Variants in PKHD1L1 observed in about 807,000 individuals in gnomAD.
PKHD1L1 encodes fibrocystin-L.
A neutral mutation model predicts 462.9 loss-of-function variants in PKHD1L1; 434 were observed. The observed-to-expected ratio is 0.94, with a 90% confidence interval of 0.87 to 1.02. The LOEUF (loss-of-function observed/expected upper bound fraction) is 1.02, where lower values mean the gene tolerates loss of function less well. PKHD1L1 is among the 50% of genes least tolerant of loss of function. The pLI is 0.00. For synonymous variants in PKHD1L1, 1,781 were observed against 1,750.0 expected (o/e 1.02, Z -0.44); for missense variants, 5,202 against 5,096.1 (o/e 1.02, Z -0.63).
chr8:109,440,831 G>C lies in PKHD1L1; in HGVS notation c.4078G>C (p.Ala1360Pro), dbSNP rs750121135. The C allele has an allele frequency of 6.2e-7, 1 of 1,612,548 alleles. No homozygotes were observed. The highest frequency in any genetic ancestry group is 8.5e-7 in the Non-Finnish European group (1 of 1,179,094). Reference protein sequence around the residue: ...IRGFGFSTIPAENTVLLGSIP... With the variant: ...IRGFGFSTIPPENTVLLGSIP... ...GGGTTTTGGATTCAGCACAATACCAGCTGAGAATACCGTGCTGTTAGGTAA... is the reference window on the plus strand; with the variant it reads ...GGGTTTTGGATTCAGCACAATACCACCTGAGAATACCGTGCTGTTAGGTAA... Residue 1360 changes from alanine to proline, a missense_variant, in exon 33 of 78, where the codon GCT becomes CCT. Ala to Pro is a conservative substitution (Grantham distance 27). Coordinates refer to ENST00000378402, the MANE Select transcript of PKHD1L1 (RefSeq NM_177531.6).
chr8:109,468,708 G>A (rs143579121), intron 50 of PKHD1L1, among the ~76,000 whole-genome samples: 18 of 152,286 alleles, frequency 1.2e-4, no homozygotes, highest in African/African-American at 4.3e-4. Context: ...CATTCTGGCT[G>A]GTGGGCCATG....
chr8:109,412,355 G>A lies in PKHD1L1; in HGVS notation c.2176G>A (p.Ala726Thr), dbSNP rs1813901677. The change falls in exon 20 of 78, where the codon GCA becomes ACA. Residue 726 changes from alanine to threonine, a missense_variant. Physicochemically the swap from Ala to Thr is moderately conservative, Grantham distance 58. Around this residue, in one of 3 missense-constraint regions of PKHD1L1, gnomAD observed 4,497 missense variants for 4,336.8 expected, o/e 1.04. Coordinates refer to ENST00000378402, the MANE Select transcript of PKHD1L1 (RefSeq NM_177531.6). ...AAACCCAGCTGTTCTTTTTGACTCA[G>A]CAGATGTTAAACCAAACAGACGACC... ...LKNPAVLFDS[A>T]DVKPNRRPYG... 6 of 1,613,538 alleles carry A rather than the reference G, an allele frequency of 3.7e-6. No homozygotes were observed. The South Asian group carries it at 6.6e-5, about 18-fold the overall frequency.
chr8:109,421,031 T>C (rs1440080920), intron 23 of PKHD1L1, among the ~76,000 whole-genome samples: 1 of 152,088 alleles, frequency 6.6e-6, no homozygotes, highest in Non-Finnish European at 1.5e-5. Flanking sequence ...ATTATGCTTT[T>C]TAATTGTTTT....
chr8:109,377,833 A>C (rs1402735314), intron 2 of PKHD1L1, among the ~76,000 whole-genome samples: 1 of 152,166 alleles, frequency 6.6e-6, no homozygotes, highest in East Asian at 1.9e-4. Context: ...TCTTGGGTTT[A>C]TTCCAAAAGT....
At chr8:109,401,840 T>C (rs1813288848) in intron 14 of PKHD1L1, among the ~76,000 whole-genome samples, 1 of 152,162 alleles carries the variant, frequency 6.6e-6, no homozygotes, top group Non-Finnish European at 1.5e-5. Flanking sequence ...TGAAATGTAC[T>C]TGATCCTGTT....
chr8:109,442,356 G>A (rs1815844159), intron 35 of PKHD1L1, among the ~76,000 whole-genome samples, 161 bp downstream of exon 35: 2 of 152,136 alleles, frequency 1.3e-5, no homozygotes, highest in Admixed American at 6.5e-5. Context: ...TTACTAATGA[G>A]TGTAAGCAAG....
At chr8:109,526,367 G>C (rs1820814405) in intron 76 of PKHD1L1, among the ~76,000 whole-genome samples, 1 of 152,184 alleles carries the variant, frequency 6.6e-6, no homozygotes, top group South Asian at 2.1e-4. Flanking sequence ...AAAAAGTTCA[G>C]TATCCAACCC....
rs1211307200 is a variant in PKHD1L1, at chr8:109,429,396, G to C, written c.3057G>C (p.Lys1019Asn). ...EKANMTVTRI[K>N]EGGLFRQHVL... ...CTAATATGACAGTTACAAGGATAAA[G>C]GAAGGTGGCTTATTCAGACAACATG... is the stretch of plus-strand genomic sequence containing the variant. The change falls in exon 26 of 78, where the codon AAG (lysine) becomes AAC (asparagine). Residue 1019 changes from lysine to asparagine, a missense_variant. Physicochemically the swap from Lys to Asn is moderately conservative, Grantham distance 94. Around this residue, in one of 3 missense-constraint regions of PKHD1L1, gnomAD observed 4,497 missense variants for 4,336.8 expected, o/e 1.04. Transcript: ENST00000378402. 1 of 1,589,344 alleles carries C rather than the reference G, an allele frequency of 6.3e-7. No individual in the cohort carries two copies. The highest frequency in any genetic ancestry group is 8.6e-7 in the Non-Finnish European group (1 of 1,162,060).
rs1345935484 is a variant in PKHD1L1, at chr8:109,486,825, G to T, written c.9880+4G>T. 5.0e-6 allele frequency: 8 copies of T among 1,609,008 alleles called. No homozygotes were observed. In the South Asian group the frequency reaches 6.6e-5, roughly 13 times the overall value. Reference sequence around the variant, plus strand: ...GAAAATATGATGACATTTAAAGGTTGGTATCAATTCAGTTTATTTTTCTAA... The same window carrying T: ...GAAAATATGATGACATTTAAAGGTTTGTATCAATTCAGTTTATTTTTCTAA... On this transcript the variant is annotated splice_donor_region_variant and intron_variant, in intron 59 of 77. Coordinates refer to ENST00000378402, the MANE Select transcript of PKHD1L1 (RefSeq NM_177531.6).
chr8:109,529,927 C>A (rs1038572581), intron 77 of PKHD1L1, among the ~76,000 whole-genome samples, 153 bp from the exon 78 acceptor site: 7 of 151,902 alleles, frequency 4.6e-5, no homozygotes, highest in Non-Finnish European at 7.4e-5. Context: ...TACAAAAAAA[C>A]CATTACTGAT....
In PKHD1L1 at chr8:109,533,841, T is replaced by C. The variant is rs1416002737; in HGVS notation, c.*3751T>C. On this transcript the variant is annotated 3_prime_UTR_variant, in exon 78 of 78. Transcript: ENST00000378402. Reference sequence around the variant, plus strand: ...AACTTTAGGTAAGAAAAGACTAAGATGGTGGACAATTTTATGGCTTTTACA... The same window carrying C: ...AACTTTAGGTAAGAAAAGACTAAGACGGTGGACAATTTTATGGCTTTTACA... 6.6e-6 allele frequency among the ~76,000 whole-genome samples: 1 copy of C among 152,178 alleles called. No individual in the cohort carries two copies. Among genetic ancestry groups the C allele is most frequent in the Non-Finnish European group, 1.5e-5 (1 of 68,028 alleles).
chr8:109,384,166 G>A (rs759409541), intron 5 of PKHD1L1, 39 bp downstream of exon 5: 1 of 1,387,010 alleles, frequency 7.2e-7, no homozygotes, highest in South Asian at 1.2e-5. Flanking sequence ...TTGGTTTCAT[G>A]GTAAATAATG....
At chr8:109,443,178 T>C in intron 36 of PKHD1L1, 62 bp downstream of exon 36, 1 of 1,512,138 alleles carries the variant, frequency 6.6e-7, no homozygotes, top group Non-Finnish European at 9.1e-7. Flanking sequence ...GTGATATTTC[T>C]GGAGCCGGTA....
At chr8:109,523,092 G>A (rs1430223707) in intron 75 of PKHD1L1, 141 bp from the exon 76 acceptor site, 2 of 1,009,502 alleles carry the variant, frequency 2.0e-6, no homozygotes, top group Non-Finnish European at 2.8e-6. Flanking sequence ...TCAGGTTTAT[G>A]AACTCTTTGT....
chr8:109,442,033 C>T lies in PKHD1L1; in HGVS notation c.4231C>T (p.Pro1411Ser), dbSNP rs1291029779. The T allele has an allele frequency of 2.5e-6, 4 of 1,610,980 alleles. No homozygotes were observed. Among genetic ancestry groups the T allele is most frequent in the East Asian group, 2.2e-5 (1 of 44,782 alleles). Residue 1411 changes from proline to serine, a missense_variant, in exon 35 of 78, where the codon CCA becomes TCA. Pro to Ser is a moderately conservative substitution (Grantham distance 74). Transcript: ENST00000378402. ...ACATGGATTAGGTTATGCCTGGTCACCACCAGTCCTAAATGTGTCTGTGGG... is the reference window on the plus strand; with the variant it reads ...ACATGGATTAGGTTATGCCTGGTCATCACCAGTCCTAAATGTGTCTGTGGG... ...SVHGLGYAWS[P>S]PVLNVSVGDT...
intron 2 of PKHD1L1, among the ~76,000 whole-genome samples, chr8:109,372,289 G>A (rs1412354537): frequency 1.3e-5 from 2 of 152,152 alleles, no homozygotes; most frequent in South Asian, 2.1e-4. Context: ...GTTCACTCAA[G>A]ATTTGGCTCT....
At chr8:109,515,047 C>T in intron 71 of PKHD1L1, 123 bp from the exon 72 acceptor site, 2 of 759,728 alleles carry the variant, frequency 2.6e-6, no homozygotes, top group Admixed American at 3.7e-5. Flanking sequence ...ATCCCTTATC[C>T]CAAATCCATA....
intron 2 of PKHD1L1, among the ~76,000 whole-genome samples, chr8:109,380,586 C>T (rs989349903): frequency 5.9e-5 from 9 of 152,154 alleles, no homozygotes; most frequent in African/African-American, 7.2e-5. Flanking sequence ...TTACTTCCCC[C>T]AGGGAGAACC....
At chr8:109,436,912 A>T (rs919969435) in intron 30 of PKHD1L1, among the ~76,000 whole-genome samples, 3 of 152,164 alleles carry the variant, frequency 2.0e-5, no homozygotes, top group African/African-American at 7.2e-5. Context: ...ATAGTTTTCA[A>T]AAAGGAATAC....
Sources: allele counts gnomAD v4.1 joint callset (sites outside exome capture counted in the v4.1 genomes callset), GRCh38; gene constraint gnomAD v4.1.1; regional missense constraint gnomAD v4.1.1; transcripts MANE v1.5; gene names NCBI Gene and HGNC (gene_info 2026-07-23, HGNC 2026-07-21).